Variants in AIG1 observed in about 807,000 individuals in gnomAD.
AIG1 encodes the protein androgen induced 1, also known as androgen-induced gene 1 protein.
A neutral mutation model predicts 31.4 loss-of-function variants in AIG1; 23 were observed. The observed-to-expected ratio is 0.73, with a 90% confidence interval of 0.53 to 1.04. AIG1 has a LOEUF of 1.04. AIG1 is among the 50% of genes least tolerant of loss of function. The probability of loss-of-function intolerance (pLI) is 0.00; values close to 1 mark genes in which losing one functional copy is unlikely to be tolerated. For synonymous variants in AIG1, 100 were observed against 110.5 expected (o/e 0.90, Z 0.60); for missense variants, 274 against 295.0 (o/e 0.93, Z 0.52).
At chr6:143,342,590 C>A, downstream of AIG1, 2 of 1,030,438 alleles carry the variant, frequency 1.9e-6, no homozygotes, top group East Asian at 4.7e-5. Context: ...GCATTTGGAT[C>A]AGCTGCTATT....
intron 2 of AIG1, among the ~76,000 whole-genome samples, chr6:143,155,396 G>C (rs1785644148): frequency 6.6e-6 from 1 of 152,108 alleles, no homozygotes; most frequent in African/African-American, 2.4e-5. Context: ...TCTTGTGGGG[G>C]GGATATCTAA....
intron 2 of AIG1, among the ~76,000 whole-genome samples, chr6:143,145,993 C>G (rs1390632032): frequency 2.0e-5 from 3 of 152,140 alleles, no homozygotes; most frequent in Non-Finnish European, 4.4e-5. Flanking sequence ...AAGTCCTTCT[C>G]AAAGAAAGAT....
rs945499897 is a variant in AIG1 at position 143,293,262 on chromosome 6, G to A, written c.515+9037G>A. On this transcript the variant is annotated intron_variant, in intron 4 of 5. Coordinates refer to ENST00000357847, the MANE Select transcript of AIG1 (RefSeq NM_016108.4). The surrounding 1 kb of genome is among the most constrained non-coding windows in gnomAD (Gnocchi z 4.8). ...ATTTTATCCTCTGTTCTTCATACGG[G>A]CTTTGGTCCTACTTTACAGCATGTG... is the stretch of plus-strand genomic sequence containing the variant. 6.6e-6 allele frequency among the ~76,000 whole-genome samples: 1 copy of A among 151,932 alleles called. No individual in the cohort carries two copies. The highest frequency in any genetic ancestry group is 2.4e-5 in the African/African-American group (1 of 41,324).
chr6:143,266,363 A>AG (rs746458463), intron 3 of AIG1, among the ~76,000 whole-genome samples: 3 of 150,560 alleles, frequency 2.0e-5, no homozygotes, highest in Non-Finnish European at 4.4e-5. Flanking sequence ...AAAAAAAAAA[A>AG]AAGAATAATA....
chr6:143,158,725 T>C (rs893281987), intron 2 of AIG1, among the ~76,000 whole-genome samples: 1 of 152,108 alleles, frequency 6.6e-6, no homozygotes, highest in Non-Finnish European at 1.5e-5. Context: ...GGAGATTTCT[T>C]CCTTACACAC....
chr6:143,266,131 C>T (rs562170344), intron 3 of AIG1, among the ~76,000 whole-genome samples: 1 of 152,064 alleles, frequency 6.6e-6, no homozygotes, highest in African/African-American at 2.4e-5. Flanking sequence ...AGGTGGATCA[C>T]GAGGTCAGGA....
chr6:143,170,613 A>C (rs1463302485), intron 3 of AIG1, among the ~76,000 whole-genome samples: 1 of 148,768 alleles, frequency 6.7e-6, no homozygotes, highest in Non-Finnish European at 1.5e-5. Flanking sequence ...TGATCTTTTG[A>C]AATTTTTTGT....
chr6:143,172,787 A>G (rs1196730501), intron 3 of AIG1, among the ~76,000 whole-genome samples: 1 of 152,016 alleles, frequency 6.6e-6, no homozygotes, highest in East Asian at 1.9e-4. Context: ...TCCTGGTTTA[A>G]TCTAGGGAGG....
intron 1 of AIG1, among the ~76,000 whole-genome samples, chr6:143,085,641 A>G (rs371069537): frequency 6.6e-6 from 1 of 152,222 alleles, no homozygotes; most frequent in African/African-American, 2.4e-5. Context: ...CTTTTGAGTC[A>G]GGATTGAGAT....
chr6:143,294,943 C>T (rs914070321), intron 4 of AIG1, among the ~76,000 whole-genome samples: 1 of 152,098 alleles, frequency 6.6e-6, no homozygotes, highest in African/African-American at 2.4e-5. Flanking sequence ...TAGGTAAACC[C>T]ATCCACATGT....
intron 3 of AIG1, among the ~76,000 whole-genome samples, chr6:143,272,009 A>G (rs890220622): frequency 6.6e-6 from 1 of 152,222 alleles, no homozygotes; most frequent in Admixed American, 6.5e-5. Context: ...ACTGGTTTGT[A>G]CATTCTCCCT....
chr6:143,208,588 A>G (rs1791317892), intron 3 of AIG1, among the ~76,000 whole-genome samples: 1 of 152,190 alleles, frequency 6.6e-6, no homozygotes, highest in Non-Finnish European at 1.5e-5. Flanking sequence ...GTGAGGAGGA[A>G]GAATAGCATT....
At chr6:143,125,899 T>C (rs1213409538) in intron 1 of AIG1, among the ~76,000 whole-genome samples, 1 of 152,226 alleles carries the variant, frequency 6.6e-6, no homozygotes, top group Non-Finnish European at 1.5e-5. Context: ...TGGTGACTTA[T>C]GGCCTGTTTC....
At chr6:143,120,928 G>A (rs185467983) in intron 1 of AIG1, among the ~76,000 whole-genome samples, 111 of 151,854 alleles carry the variant, frequency 7.3e-4, no homozygotes, top group African/African-American at 2.4e-3. Flanking sequence ...CACCCAGGGC[G>A]GAAAACCGCT....
chr6:143,334,092 CA>C lies in AIG1; in HGVS notation c.679+649del. The C allele has an allele frequency of 9.0e-6, 14 of 1,550,396 alleles. No individual in the cohort carries two copies. The highest frequency in any genetic ancestry group is 1.2e-5 in the Non-Finnish European group (14 of 1,146,888). ...ATTTATGGCAGAGCCTCCATCTTGG[CA>C]AGGCACGTAATCTTATCCAAGCTGT... is the stretch of plus-strand genomic sequence containing the variant. On this transcript the variant is annotated intron_variant, in intron 5 of 5. Coordinates refer to ENST00000357847, the MANE Select transcript of AIG1 (RefSeq NM_016108.4). The surrounding 1 kb of genome is among the most constrained non-coding windows in gnomAD (Gnocchi z 5.1).
chr6:143,106,008 T>C (rs1436749216), intron 1 of AIG1, among the ~76,000 whole-genome samples: 1 of 152,234 alleles, frequency 6.6e-6, no homozygotes, highest in Non-Finnish European at 1.5e-5. Context: ...GATTGAATTG[T>C]GTCCCTCTAA....
At chr6:143,214,659 A>T (rs988303612) in intron 3 of AIG1, among the ~76,000 whole-genome samples, 2 of 152,096 alleles carry the variant, frequency 1.3e-5, no homozygotes, top group Non-Finnish European at 2.9e-5. Flanking sequence ...CTTCTCAGGG[A>T]ACTCTTCAGT....
At chr6:143,095,380 T>G (rs1483352038) in intron 1 of AIG1, among the ~76,000 whole-genome samples, 1 of 152,066 alleles carries the variant, frequency 6.6e-6, no homozygotes, top group Non-Finnish European at 1.5e-5. Context: ...GCAAAACACA[T>G]AAGAAATGAC....
intron 3 of AIG1, among the ~76,000 whole-genome samples, chr6:143,176,003 G>A (rs368423260): frequency 2.0e-5 from 3 of 152,184 alleles, no homozygotes; most frequent in South Asian, 2.1e-4. Context: ...GGGTGCTCCC[G>A]TGATGTGGTG....
Sources: gnomAD v4.1 joint callset for allele counts (sites outside exome capture counted in the v4.1 genomes callset) on GRCh38, gnomAD v4.1.1 for gene constraint, Gnocchi (gnomAD v3.1) non-coding constraint, MANE v1.5 for transcripts, NCBI Gene and HGNC (gene_info 2026-07-23, HGNC 2026-07-21) for gene names.